The following WDPCP variants were observed in gnomAD, a reference collection of about 807,000 sequenced individuals.
WDPCP encodes WD repeat containing planar cell polarity effector.
A neutral mutation model predicts 93.1 loss-of-function variants in WDPCP; 71 were observed. The ratio of observed to expected loss-of-function variants is 0.76; its 90% CI spans 0.63 to 0.93. The LOEUF is 0.93. WDPCP is among the 40% of genes least tolerant of loss of function. The pLI, the probability that WDPCP is intolerant of heterozygous loss-of-function variation, is 0.00. For missense variants in WDPCP, 844 were observed against 887.4 expected, an observed-to-expected ratio of 0.95 and a Z score of 0.62; for synonymous variants, 315 against 315.0, an observed-to-expected ratio of 1.00 and a Z score of 0.00.
chr2:63,824,475 G>T (rs948994926), intron 1 of WDPCP, among the ~76,000 whole-genome samples: 9 of 144,266 alleles, frequency 6.2e-5, no homozygotes, highest in African/African-American at 2.3e-4. Context: ...TTGCGCCCAG[G>T]AGGTCCAGGC....
upstream of WDPCP, among the ~76,000 whole-genome samples, chr2:63,832,358 T>C (rs1213120889): frequency 6.6e-6 from 1 of 152,192 alleles, no homozygotes; most frequent in Non-Finnish European, 1.5e-5. Context: ...TTGAGTCACA[T>C]AACATTACTT....
At chr2:63,507,410 T>C (rs1701951070) in intron 1 of WDPCP, among the ~76,000 whole-genome samples, 1 of 152,092 alleles carries the variant, frequency 6.6e-6, no homozygotes, top group South Asian at 2.1e-4. Context: ...AAATTGTCAC[T>C]TGAGTGTGAG....
chr2:63,313,329 A>G lies in WDPCP; in HGVS notation c.1749-18T>C. ...TCTGGTACCTACAAGGCAGAAAAAA[A>G]TATTATGTTAGTTGTGAACAAGAAT... On this transcript the variant is annotated intron_variant, in intron 12 of 17. Coordinates refer to ENST00000272321, the MANE Select transcript of WDPCP (RefSeq NM_015910.7). 6.2e-7 allele frequency: 1 copy of G among 1,609,630 alleles called. No individual in the cohort carries two copies. Among genetic ancestry groups the G allele is most frequent in the Non-Finnish European group, 8.5e-7 (1 of 1,176,566 alleles).
In WDPCP at chr2:63,826,835, T is replaced by G. The variant is rs1352365372; in HGVS notation, n.222+787A>C. Among the ~76,000 whole-genome samples the G allele has an allele frequency of 2.0e-5, 3 of 152,194 alleles. No homozygotes were observed. The East Asian group carries it at 5.8e-4, about 29-fold the overall frequency. ...CTAACAAATATATCATTTTTCTAAC[T>G]TTGAAGTTCTAATTTTGAAGTTCTC... On this transcript the variant is annotated intron_variant and non_coding_transcript_variant, in intron 1 of 4. Coordinates refer to the WDPCP transcript ENST00000467687.
At chr2:63,711,631 G>A (rs79412616) in intron 2 of WDPCP, 27,707 of 152,234 alleles carry the variant, frequency 0.18, 2,764 homozygotes, top group Middle Eastern at 0.28. Flanking sequence ...GGGTCTGGTG[G>A]TGTGCAAATG....
At chr2:63,753,577 C>T (rs991291423) in intron 2 of WDPCP, among the ~76,000 whole-genome samples, 1 of 152,112 alleles carries the variant, frequency 6.6e-6, no homozygotes, top group African/African-American at 2.4e-5. Flanking sequence ...TGGCAGAAGG[C>T]AAAGGGGAAA....
chr2:63,499,936 T>C (rs924799380), intron 1 of WDPCP, among the ~76,000 whole-genome samples: 17 of 152,234 alleles, frequency 1.1e-4, no homozygotes, highest in African/African-American at 4.1e-4. Flanking sequence ...CTACGTGGTC[T>C]CCTGTTTTAC....
chr2:63,472,037 G>A (rs1273106278), intron 6 of WDPCP, among the ~76,000 whole-genome samples: 1 of 152,128 alleles, frequency 6.6e-6, no homozygotes, highest in African/African-American at 2.4e-5. Context: ...TTTAGATACA[G>A]AATTATAGGC....
At chr2:63,539,205 C>T (rs930723876) in intron 1 of WDPCP, among the ~76,000 whole-genome samples, 4 of 152,242 alleles carry the variant, frequency 2.6e-5, no homozygotes, top group Admixed American at 6.5e-5. Context: ...AGACAGTTAA[C>T]CCATAATTTA....
intron 13 of WDPCP, among the ~76,000 whole-genome samples, chr2:63,289,473 CTTTGTA>C (rs891406066): frequency 7.9e-5 from 12 of 151,978 alleles, no homozygotes; most frequent in African/African-American, 2.9e-4. Flanking sequence ...GTATTATTTA[CTTTGTA>C]TTTGGGAACT....
chr2:63,567,857 G>A (rs891834234), intron 1 of WDPCP, among the ~76,000 whole-genome samples: 2 of 152,180 alleles, frequency 1.3e-5, no homozygotes, highest in African/African-American at 4.8e-5. Context: ...CAGGCATCCA[G>A]TAGATATTAA....
chr2:63,394,192 C>T (rs928586537), intron 10 of WDPCP, among the ~76,000 whole-genome samples: 8 of 152,000 alleles, frequency 5.3e-5, no homozygotes, highest in Non-Finnish European at 1.0e-4. Flanking sequence ...AACAAATGAA[C>T]AACCAAAACA....
At chr2:63,565,838 C>T (rs1245881980) in intron 1 of WDPCP, among the ~76,000 whole-genome samples, 3 of 152,100 alleles carry the variant, frequency 2.0e-5, no homozygotes, top group Admixed American at 6.6e-5. Context: ...AACTCTTATC[C>T]TTGACATCTC....
At chr2:63,595,414 AT>A in intron 3 of WDPCP, 1 of 1,567,286 alleles carries the variant, frequency 6.4e-7, no homozygotes, top group Non-Finnish European at 8.8e-7. Context: ...TGTCCTTGCT[AT>A]TTGGTAGCCT....
intron 12 of WDPCP, among the ~76,000 whole-genome samples, chr2:63,332,526 T>C (rs986362914): frequency 6.6e-6 from 1 of 152,188 alleles, no homozygotes; most frequent in African/African-American, 2.4e-5. Context: ...TAGACATCCA[T>C]ATTTTTTCTT....
At chr2:63,229,074 C>T (rs540975099) in intron 14 of WDPCP, 5 of 152,298 alleles carry the variant, frequency 3.3e-5, no homozygotes, top group Non-Finnish European at 1.5e-5. Flanking sequence ...TCCTATTTCT[C>T]CACATCCTCT....
At chr2:63,559,693 A>G (rs1366188741) in intron 1 of WDPCP, among the ~76,000 whole-genome samples, 1 of 152,206 alleles carries the variant, frequency 6.6e-6, no homozygotes, top group African/African-American at 2.4e-5. Flanking sequence ...AGGAAGTAAA[A>G]TATCTAGGAA....
At chr2:63,181,328 G>C (rs1674223699) in intron 14 of WDPCP, among the ~76,000 whole-genome samples, 1 of 152,078 alleles carries the variant, frequency 6.6e-6, no homozygotes, top group Admixed American at 6.6e-5. Flanking sequence ...TATAGTTTCA[G>C]GTCTTACATT....
At chr2:63,275,921 G>C (rs927025567) in intron 13 of WDPCP, among the ~76,000 whole-genome samples, 1 of 142,140 alleles carries the variant, frequency 7.0e-6, no homozygotes, top group African/African-American at 2.7e-5. Context: ...ACTACTGCAA[G>C]AACATACCAA....
Sources: allele counts gnomAD v4.1 joint callset (sites outside exome capture counted in the v4.1 genomes callset), GRCh38; gene constraint gnomAD v4.1.1; transcripts MANE v1.5; gene names NCBI Gene and HGNC (gene_info 2026-07-23, HGNC 2026-07-21).